The following COL14A1 variants were observed in gnomAD, a reference collection of about 807,000 sequenced individuals.
COL14A1 encodes the protein collagen type XIV alpha 1 chain.
Under a neutral mutation model 230.3 loss-of-function variants are expected in COL14A1, and 136 were observed. The ratio of observed to expected loss-of-function variants is 0.59; its 90% CI spans 0.51 to 0.68. COL14A1 has a LOEUF of 0.68. COL14A1 is among the 30% of genes least tolerant of loss of function. The pLI is 0.00. For synonymous variants in COL14A1, 792 were observed against 784.1 expected (o/e 1.01, Z -0.17); for missense variants, 1,976 against 2,215.8 (o/e 0.89, Z 2.17).
intron 19 of COL14A1, among the ~76,000 whole-genome samples, chr8:120,233,910 A>G (rs1409629757): frequency 1.3e-5 from 2 of 152,158 alleles, no homozygotes; most frequent in African/African-American, 4.8e-5. Context: ...ACTTTGGGCA[A>G]TATGGCCATT....
rs73706433 is a variant in COL14A1 at position 120,312,609 on chromosome 8, C to T, written c.4456-1323C>T. ...TCATTTTTATCCACATTCTATTTCACTCACTCAATACATTCTCCTTAATAA... is the reference window on the plus strand; with the variant it reads ...TCATTTTTATCCACATTCTATTTCATTCACTCAATACATTCTCCTTAATAA... On this transcript the variant is annotated intron_variant, in intron 37 of 47. Transcript: ENST00000297848. 3.2e-3 allele frequency among the ~76,000 whole-genome samples: 489 copies of T among 152,250 alleles called. 2 individuals are homozygous for T. The highest frequency in any genetic ancestry group is 0.011 in the African/African-American group (471 of 41,542).
intron 1 of COL14A1, among the ~76,000 whole-genome samples, chr8:120,144,816 T>C (rs1411097121): frequency 6.6e-6 from 1 of 152,156 alleles, no homozygotes; most frequent in East Asian, 1.9e-4. Flanking sequence ...GATAACAGTG[T>C]TGGAAAGAGT....
At chr8:120,324,047 A>T (rs1821564364) in intron 40 of COL14A1, among the ~76,000 whole-genome samples, 1 of 152,156 alleles carries the variant, frequency 6.6e-6, no homozygotes, top group Admixed American at 6.6e-5. Flanking sequence ...AAAGGAGGGA[A>T]CAATGGACAC....
chr8:120,245,449 T>C (rs1818732752), intron 20 of COL14A1, among the ~76,000 whole-genome samples: 1 of 152,220 alleles, frequency 6.6e-6, no homozygotes, highest in Admixed American at 6.5e-5. Flanking sequence ...ATGAGAAAGA[T>C]GCATGAAAAC....
chr8:120,136,141 T>C (rs952059506), intron 1 of COL14A1, among the ~76,000 whole-genome samples: 3 of 152,128 alleles, frequency 2.0e-5, no homozygotes, highest in African/African-American at 7.2e-5. Context: ...TAGTACAGTG[T>C]TGAGTGGAAC....
Position 120,206,972 on chromosome 8 carries a change from A to G in COL14A1, c.1069A>G (p.Thr357Ala). Residue 357 changes from threonine (T) to alanine (A), a missense_variant, in exon 10 of 48, where the codon ACG (threonine) becomes GCG (alanine). Physicochemically the swap from Thr to Ala is moderately conservative, Grantham distance 58. This residue lies in a region of COL14A1 where 1,791 missense variants were observed against 2,019.5 expected (regional missense o/e 0.89). Transcript: ENST00000297848. ...ASAHAITGPP[T>A]ELITSEVTAR... ...AGCCCATGCCATCACTGGGCCGCCT[A>G]CGGAGTTGATTACTTCTGAAGTCAC... 1 of 1,613,078 alleles carries G rather than the reference A, an allele frequency of 6.2e-7. No individual in the cohort carries two copies. The highest frequency in any genetic ancestry group is 8.5e-7 in the Non-Finnish European group (1 of 1,179,728).
intron 1 of COL14A1, among the ~76,000 whole-genome samples, chr8:120,126,155 C>A (rs1015342376): frequency 6.6e-5 from 10 of 152,244 alleles, no homozygotes; most frequent in African/African-American, 2.2e-4. Context: ...CCTCAGGCCT[C>A]CTATTACACA....
At chr8:120,328,236 CTTTA>C (rs967860439) in intron 40 of COL14A1, among the ~76,000 whole-genome samples, 3 of 151,976 alleles carry the variant, frequency 2.0e-5, no homozygotes, top group Non-Finnish European at 4.4e-5. Flanking sequence ...CCAGTCTCTG[CTTTA>C]TTTGTTTTTT....
chr8:120,272,884 A>G (rs1467088006), intron 26 of COL14A1, among the ~76,000 whole-genome samples: 2 of 151,758 alleles, frequency 1.3e-5, no homozygotes, highest in Non-Finnish European at 3.0e-5. Context: ...TAGACAGATA[A>G]TCAAGACAGA....
intron 1 of COL14A1, among the ~76,000 whole-genome samples, chr8:120,139,861 A>T (rs1183598430): frequency 1.3e-5 from 2 of 150,946 alleles, no homozygotes; most frequent in African/African-American, 4.9e-5. Flanking sequence ...CTGTCTTTAT[A>T]AAAAAAAATA....
chr8:120,238,721 C>T (rs749658116), intron 19 of COL14A1, among the ~76,000 whole-genome samples: 1 of 152,178 alleles, frequency 6.6e-6, no homozygotes, highest in South Asian at 2.1e-4. Flanking sequence ...GCTTGAAACC[C>T]AGGGCCCTGG....
chr8:120,127,771 C>G (rs933457300), intron 1 of COL14A1, among the ~76,000 whole-genome samples: 1 of 152,200 alleles, frequency 6.6e-6, no homozygotes, highest in Non-Finnish European at 1.5e-5. Flanking sequence ...AAGCCACATT[C>G]GCAGTCAGTG....
At chr8:120,250,933 G>C (rs1586804606) in intron 22 of COL14A1, among the ~76,000 whole-genome samples, 167 bp downstream of exon 22, 1 of 152,120 alleles carries the variant, frequency 6.6e-6, no homozygotes, top group Admixed American at 6.5e-5. Context: ...TCAGCCTCTC[G>C]AGTAGCTGGG....
At chr8:120,286,604 G>T (rs1355811256) in intron 33 of COL14A1, among the ~76,000 whole-genome samples, 1 of 152,064 alleles carries the variant, frequency 6.6e-6, no homozygotes, top group Non-Finnish European at 1.5e-5. Context: ...CTGCCTCCCG[G>T]GTTCACGCCA....
chr8:120,370,624 C>A, intron 47 of COL14A1: 1 of 1,449,504 alleles, frequency 6.9e-7, no homozygotes. Context: ...CCATGTCAGC[C>A]TGGATAGAGG....
intron 1 of COL14A1, among the ~76,000 whole-genome samples, chr8:120,126,278 G>A (rs1056443794): frequency 6.6e-6 from 1 of 152,234 alleles, no homozygotes; most frequent in Non-Finnish European, 1.5e-5. Flanking sequence ...AGGACCACAG[G>A]TGCTCAGATC....
intron 5 of COL14A1, among the ~76,000 whole-genome samples, chr8:120,185,625 C>G (rs1306976310): frequency 6.6e-6 from 1 of 152,162 alleles, no homozygotes; most frequent in Non-Finnish European, 1.5e-5. Context: ...TATTGCGCCA[C>G]TGCACTCCAG....
intron 42 of COL14A1, among the ~76,000 whole-genome samples, chr8:120,333,787 G>A (rs974597602): frequency 3.3e-5 from 5 of 152,144 alleles, no homozygotes; most frequent in Admixed American, 6.6e-5. Context: ...AAGGCCTCCC[G>A]TAGTCCTTGG....
Position 120,226,669 on chromosome 8 carries a change from C to T in COL14A1, c.1907C>T (p.Thr636Met), listed in dbSNP as rs771290485. ...AQQYLEIDEVTTDSFRVTWHP... is the reference protein window; with the variant it reads ...AQQYLEIDEVMTDSFRVTWHP... The stretch of plus-strand genomic sequence containing the variant: ...CAATACTTAGAAATTGATGAGGTGA[C>T]GACAGACAGTTTTAGGGTGACCTGG... Residue 636 changes from threonine (T) to methionine (M), a missense_variant, in exon 16 of 48, where the codon ACG (threonine) becomes ATG (methionine). Thr to Met is a moderately conservative substitution (Grantham distance 81, BLOSUM62 -1). Transcript: ENST00000297848. The T allele has an allele frequency of 5.8e-5, 94 of 1,613,656 alleles. No homozygotes were observed. Among genetic ancestry groups the T allele is most frequent in the Non-Finnish European group, 7.1e-5 (84 of 1,179,834 alleles).
Sources: gnomAD v4.1 joint callset for allele counts (sites outside exome capture counted in the v4.1 genomes callset) on GRCh38, gnomAD v4.1.1 for gene constraint, gnomAD v4.1.1 regional missense constraint, MANE v1.5 for transcripts, NCBI Gene and HGNC (gene_info 2026-07-23, HGNC 2026-07-21) for gene names.